TNNT2: variants seen among roughly 807,000 people sequenced by gnomAD.
TNNT2 encodes the protein troponin T, cardiac muscle.
In TNNT2, 34 loss-of-function variants were observed where a neutral mutation model predicts 62.4. That is an observed-to-expected ratio of 0.54 (90% confidence interval 0.41 to 0.72). The LOEUF is 0.72. Ranked by LOEUF, TNNT2 falls within the 30% of genes least tolerant of loss-of-function variation. The pLI, the probability that TNNT2 is intolerant of heterozygous loss-of-function variation, is 0.00. For synonymous variants in TNNT2, 123 were observed against 127.2 expected, an observed-to-expected ratio of 0.97 and a Z score of 0.22; for missense variants, 275 against 381.9, an observed-to-expected ratio of 0.72 and a Z score of 2.33.
intron 4 of TNNT2, 94 bp from the exon 5 acceptor site, chr1:201,369,939 G>A (rs867135117): frequency 2.1e-6 from 3 of 1,434,372 alleles, no homozygotes. Flanking sequence ...ACCCAGCGCA[G>A]TGGTTTTAAG....
At chr1:201,365,473 TG>T (rs753581302) in intron 9 of TNNT2, 136 bp downstream of exon 9, 82 of 1,211,482 alleles carry the variant, frequency 6.8e-5, no homozygotes, top group Middle Eastern at 1.9e-4. Flanking sequence ...CGCTCATGGA[TG>T]GGCACCCAGC....
At chr1:201,367,183 C>T in intron 7 of TNNT2, 1 of 498,498 alleles carries the variant, frequency 2.0e-6, no homozygotes, top group East Asian at 3.9e-5. Context: ...TTCACAGTGA[C>T]AAGGCCTTTG....
chr1:201,361,439 C>T (rs937378380), intron 14 of TNNT2, 70 bp from the exon 15 acceptor site: 30 of 1,398,534 alleles, frequency 2.1e-5, no homozygotes, highest in Admixed American at 3.4e-5. Flanking sequence ...GTCCTGGTCC[C>T]GGCCCAGCCC....
chr1:201,361,820 C>T, intron 14 of TNNT2, 93 bp downstream of exon 14: 1 of 1,192,872 alleles, frequency 8.4e-7, no homozygotes, highest in Non-Finnish European at 1.3e-6. Flanking sequence ...GCAGTCCTGC[C>T]CTCTGGTGGC....
At chr1:201,366,488 C>A (rs995252021) in intron 8 of TNNT2, 3 of 1,183,222 alleles carry the variant, frequency 2.5e-6, no homozygotes, top group African/African-American at 1.6e-5. Flanking sequence ...TGGCTCCCCA[C>A]AATTTGCTTC....
At chr1:201,367,907 G>C in intron 6 of TNNT2, 101 bp from the exon 7 acceptor site, 1 of 1,418,688 alleles carries the variant, frequency 7.0e-7, no homozygotes, top group Non-Finnish European at 1.0e-6. Context: ...CCCTAGCCAA[G>C]ATGCACTCTG....
At chr1:201,365,500 C>T (rs1558232173) in intron 9 of TNNT2, 110 bp downstream of exon 9, 24 of 1,329,436 alleles carry the variant, frequency 1.8e-5, no homozygotes, top group Non-Finnish European at 2.5e-5. Context: ...TGGTGCTGCA[C>T]CCCATCCCAC....
intron 1 of TNNT2, chr1:201,373,724 C>T (rs912076774): frequency 2.7e-5 from 6 of 218,912 alleles, no homozygotes; most frequent in Non-Finnish European, 5.5e-5. Flanking sequence ...TAGTTGTGCA[C>T]CACCATGCCC....
At chr1:201,363,267 C>T (rs1558224537) in intron 12 of TNNT2, 29 bp downstream of exon 12, 1 of 1,613,646 alleles carries the variant, frequency 6.2e-7, no homozygotes, top group Admixed American at 1.7e-5. Context: ...ACTAGGATCT[C>T]CTGGCAACCC....
intron 2 of TNNT2, 53 bp downstream of exon 2, chr1:201,373,161 C>T: frequency 1.3e-6 from 2 of 1,580,732 alleles, no homozygotes; most frequent in South Asian, 2.2e-5. Context: ...GACCAGGTGT[C>T]AGGGCAGCGG....
intron 8 of TNNT2, chr1:201,365,992 AAAG>A (rs1659591230): frequency 8.1e-7 from 1 of 1,230,302 alleles, no homozygotes; most frequent in Admixed American, 3.5e-5. Context: ...ACTTGGAATC[AAAG>A]AAGCTGTGAC....
In TNNT2 at chr1:201,365,690, T is replaced by A. The variant is rs1200126359; in HGVS notation, c.234-20A>T. The A allele has an allele frequency of 5.0e-6, 8 of 1,612,926 alleles. No homozygotes were observed. The highest frequency in any genetic ancestry group is 6.8e-6 in the Non-Finnish European group (8 of 1,179,602). ...AACGACCTGTTGGAGAGAGGAATAGTCAGCATCAGCCCCATTCTGGACCCA... is the reference window on the plus strand; with the variant it reads ...AACGACCTGTTGGAGAGAGGAATAGACAGCATCAGCCCCATTCTGGACCCA... On this transcript the variant is annotated intron_variant, in intron 8 of 16. Coordinates refer to ENST00000656932, the MANE Select transcript of TNNT2 (RefSeq NM_001276345.2).
At chr1:201,363,912 A>C (rs1024418215) in intron 11 of TNNT2, 3 of 157,878 alleles carry the variant, frequency 1.9e-5, no homozygotes, top group African/African-American at 6.5e-5. Flanking sequence ...TTTGAGTTGG[A>C]GTTTCACTCT....
At chr1:201,364,082 C>T in intron 11 of TNNT2, 2 of 560,474 alleles carry the variant, frequency 3.6e-6, no homozygotes, top group East Asian at 3.1e-5. Context: ...GACAGGGTTT[C>T]TCCGTTGGTC....
At chr1:201,368,506 T>C (rs1435057421) in intron 5 of TNNT2, 3 of 542,912 alleles carry the variant, frequency 5.5e-6, no homozygotes, top group Non-Finnish European at 1.1e-5. Flanking sequence ...TTCCACCCCG[T>C]GTCTGGCACC....
chr1:201,363,287 C>G lies in TNNT2; in HGVS notation c.600+9G>C, dbSNP rs760490476. 5.0e-6 allele frequency: 8 copies of G among 1,613,984 alleles called. No homozygotes were observed. Among genetic ancestry groups the G allele is most frequent in the Non-Finnish European group, 6.8e-6 (8 of 1,179,960 alleles). ...GATCTCCTGGCAACCCCTGCTGCTC[C>G]CTACCTACCTTCTGGATGTAACCCC... On this transcript the variant is annotated intron_variant, in intron 12 of 16. Coordinates refer to ENST00000656932, the MANE Select transcript of TNNT2 (RefSeq NM_001276345.2).
intron 10 of TNNT2, 35 bp from the exon 11 acceptor site, chr1:201,364,410 A>G: frequency 6.2e-7 from 1 of 1,605,358 alleles, no homozygotes; most frequent in Non-Finnish European, 8.5e-7. Flanking sequence ...CCAGGTGTGC[A>G]TAGGGAGAAG....
intron 4 of TNNT2, 113 bp from the exon 5 acceptor site, chr1:201,369,958 CT>C (rs2102296365): frequency 1.6e-6 from 2 of 1,222,078 alleles, no homozygotes; most frequent in East Asian, 4.8e-5. Flanking sequence ...AGAGTGTGGG[CT>C]TTGGAGTTAG....
At chr1:201,372,930 GC>G (rs1181085617) in intron 2 of TNNT2, among the ~76,000 whole-genome samples, 1 of 152,184 alleles carries the variant, frequency 6.6e-6, no homozygotes, top group Non-Finnish European at 1.5e-5. Flanking sequence ...CAACATCTCA[GC>G]TTCTCTGTTC....
Sources: gnomAD v4.1 joint callset for allele counts (sites outside exome capture counted in the v4.1 genomes callset) on GRCh38, gnomAD v4.1.1 for gene constraint, MANE v1.5 for transcripts, NCBI Gene and HGNC (gene_info 2026-07-23, HGNC 2026-07-21) for gene names.